The following NSUN2 variants were observed in gnomAD, a reference collection of about 807,000 sequenced individuals.
NSUN2 encodes RNA cytosine C(5)-methyltransferase NSUN2.
In NSUN2, 63 loss-of-function variants were observed where a neutral mutation model predicts 92.7. The observed-to-expected ratio is 0.68, with a 90% CI of 0.56 to 0.84. The LOEUF (loss-of-function observed/expected upper bound fraction) is 0.84, where lower values mean the gene tolerates loss of function less well. NSUN2 is among the 40% of genes least tolerant of loss of function. NSUN2 has a pLI of 0.00. For missense variants in NSUN2, 989 were observed against 964.9 expected, an observed-to-expected ratio of 1.02 and a Z score of -0.33; for synonymous variants, 356 against 348.3, an observed-to-expected ratio of 1.02 and a Z score of -0.25.
rs763793795 is a variant in NSUN2, at chr5:6,604,643, C to T, written c.1780G>A (p.Gly594Ser). ...CGGAAAGCACAGTCAAACTCTTCACCGCTGTTATTTCTACACCAGACTTTG... is the reference window on the plus strand; with the variant it reads ...CGGAAAGCACAGTCAAACTCTTCACTGCTGTTATTTCTACACCAGACTTTG... Reference protein sequence around the residue: ...GIKVWCRNNSGEEFDCAFRLA... With the variant: ...GIKVWCRNNSSEEFDCAFRLA... Residue 594 changes from glycine (G) to serine (S), a missense_variant, in exon 16 of 19, where the codon GGT (glycine) becomes AGT (serine). This residue lies in a region of NSUN2 where 626 missense variants were observed against 602.3 expected (regional missense o/e 1.04). Transcript: ENST00000264670. 1.3e-4 allele frequency: 204 copies of T among 1,613,940 alleles called. No individual in the cohort carries two copies. The highest frequency in any genetic ancestry group is 1.6e-4 in the Non-Finnish European group (183 of 1,180,006).
At chr5:6,617,716 A>G (rs930772489) in intron 8 of NSUN2, among the ~76,000 whole-genome samples, 3 of 152,260 alleles carry the variant, frequency 2.0e-5, no homozygotes, top group Non-Finnish European at 4.4e-5. Context: ...GTGTTGCAAG[A>G]AATTTTTATA....
At chr5:6,608,623 G>A (rs1241003511) in intron 12 of NSUN2, among the ~76,000 whole-genome samples, 1 of 152,206 alleles carries the variant, frequency 6.6e-6, no homozygotes, top group Admixed American at 6.5e-5. Context: ...GGGGCTAATT[G>A]AAAAAATGTC....
Position 6,622,029 on chromosome 5 carries a change from A to G in NSUN2, c.609T>C (p.Asn203=). ...QLIEMLHADM[N]VPFPEGFVIA... ...TCCAATGCATACCTGGAAAGGGGACATTCATGTCGGCATGTAGCATTTCAA... is the reference window on the plus strand; with the variant it reads ...TCCAATGCATACCTGGAAAGGGGACGTTCATGTCGGCATGTAGCATTTCAA... The change falls in exon 6 of 19, where the codon AAT becomes AAC. Residue 203 remains asparagine (N), a synonymous_variant. Transcript: ENST00000264670. 1 of 1,614,016 alleles carries G rather than the reference A, an allele frequency of 6.2e-7. No homozygotes were observed. The highest frequency in any genetic ancestry group is 8.5e-7 in the Non-Finnish European group (1 of 1,179,834).
chr5:6,613,606 C>G (rs1354425570), intron 9 of NSUN2, among the ~76,000 whole-genome samples: 1 of 152,190 alleles, frequency 6.6e-6, no homozygotes. Context: ...AACTGCATGC[C>G]ATAGTCTAAC....
In NSUN2 at chr5:6,617,872, G is replaced by C. The variant is rs779356861; in HGVS notation, c.890+78C>G. 1.2e-5 allele frequency: 13 copies of C among 1,073,736 alleles called. No individual in the cohort carries two copies. In the South Asian group the frequency reaches 1.9e-4, roughly 16 times the overall value. The allele number at this position is 1,073,736 out of a possible 1,614,324, so 66.5% of individuals were successfully genotyped here. A position where few individuals can be genotyped will look rare whatever the true frequency, so the allele number is the denominator to read the frequency against. The stretch of plus-strand genomic sequence containing the variant: ...GCTTACAGCTCTCTAATTAAAGATC[G>C]GATGCTCACTTGCATAACAATAAAT... On this transcript the variant is annotated intron_variant, in intron 8 of 18. Transcript: ENST00000264670.
intron 3 of NSUN2, among the ~76,000 whole-genome samples, chr5:6,627,498 G>A (rs1045005699): frequency 9.2e-5 from 14 of 152,176 alleles, no homozygotes; most frequent in African/African-American, 3.4e-4. Context: ...TAGATAAGCA[G>A]TCTAGATATA....
At position 6,620,309 on chromosome 5, in the gene NSUN2, A is replaced by C; in HGVS notation, c.623-11T>G. On this transcript the variant is annotated splice_polypyrimidine_tract_variant and intron_variant, in intron 6 of 18. Transcript: ENST00000264670. ...CAATAACAAATCCCTCTGAAGGCACAGAATTGCAGTGTCAGGTGAAATGGA... is the reference window on the plus strand; with the variant it reads ...CAATAACAAATCCCTCTGAAGGCACCGAATTGCAGTGTCAGGTGAAATGGA... 1 of 1,544,908 alleles carries C rather than the reference A, an allele frequency of 6.5e-7. No individual in the cohort carries two copies. The highest frequency in any genetic ancestry group is 1.4e-5 in the African/African-American group (1 of 72,068).
intron 3 of NSUN2, among the ~76,000 whole-genome samples, chr5:6,627,871 T>C (rs931646145): frequency 1.3e-5 from 2 of 152,254 alleles, no homozygotes; most frequent in Admixed American, 1.3e-4. Context: ...GAGGTATATT[T>C]AATTTTTAGT....
intron 8 of NSUN2, among the ~76,000 whole-genome samples, chr5:6,617,489 C>T (rs1304247825): frequency 2.0e-5 from 3 of 152,184 alleles, no homozygotes; most frequent in East Asian, 1.9e-4. Context: ...CATTAACAGA[C>T]GTGATCATCG....
Position 6,599,625 on chromosome 5 carries a change from C to G in NSUN2, c.*301G>C, listed in dbSNP as rs1232572639. 3.2e-6 allele frequency: 1 copy of G among 314,740 alleles called. No homozygotes were observed. Among genetic ancestry groups the G allele is most frequent in the Admixed American group, 4.5e-5 (1 of 22,058 alleles). 19.5% of individuals were successfully genotyped at this position (314,740 alleles called of 1,614,324 possible). On this transcript the variant is annotated 3_prime_UTR_variant, in exon 19 of 19. Coordinates refer to ENST00000264670, the MANE Select transcript of NSUN2 (RefSeq NM_017755.6). Reference sequence around the variant, plus strand: ...AATTTCTGCAAGGGCAGTTTTGTTTCTTGATAGAAGTACAACTTTTGAAAG... The same window carrying G: ...AATTTCTGCAAGGGCAGTTTTGTTTGTTGATAGAAGTACAACTTTTGAAAG...
At chr5:6,626,615 T>G (rs979110114) in intron 3 of NSUN2, among the ~76,000 whole-genome samples, 2 of 152,162 alleles carry the variant, frequency 1.3e-5, no homozygotes, top group Non-Finnish European at 2.9e-5. Context: ...TCCCAAAGTG[T>G]TGGGATTACA....
chr5:6,611,775 A>T lies in NSUN2; in HGVS notation c.1045T>A (p.Ser349Thr), dbSNP rs757494270. 2.5e-6 allele frequency: 4 copies of T among 1,614,222 alleles called. No homozygotes were observed. The South Asian group carries it at 4.4e-5, about 18-fold the overall frequency. Reference sequence around the variant, plus strand: ...CACTTCAGCCCTGGCAGTTCATTAGACACATCAGCAAGCTCCAAAGCACCT... The same window carrying T: ...CACTTCAGCCCTGGCAGTTCATTAGTCACATCAGCAAGCTCCAAAGCACCT... ...SEGALELADVSNELPGLKWMP... is the reference protein window; with the variant it reads ...SEGALELADVTNELPGLKWMP... The change falls in exon 10 of 19, where the codon TCT becomes ACT. Residue 349 changes from serine to threonine, a missense_variant. Physicochemically the swap from Ser to Thr is moderately conservative, Grantham distance 58. This residue lies in a region of NSUN2 where 626 missense variants were observed against 602.3 expected (regional missense o/e 1.04). Transcript: ENST00000264670.
In NSUN2 at chr5:6,604,153, G is replaced by A. The variant is rs1276747994; in HGVS notation, c.1942C>T (p.Gln648Ter). 1 of 1,613,666 alleles carries A rather than the reference G, an allele frequency of 6.2e-7. No individual in the cohort carries two copies. Among genetic ancestry groups the A allele is most frequent in the Non-Finnish European group, 8.5e-7 (1 of 1,179,872 alleles). The change falls in exon 17 of 19, where the codon CAA (glutamine) becomes TAA (stop). Residue 648 changes from glutamine (Q) to a stop codon, truncating the protein, a stop_gained. Coordinates refer to ENST00000264670, the MANE Select transcript of NSUN2 (RefSeq NM_017755.6). LOFTEE classifies it high-confidence loss of function. ...FRKLSSETYS[Q>*]AKDLAKGSIV... Reference sequence around the variant, plus strand: ...AACTACTCACCCAGGTCCTTTGCTTGACTGTAGGTCTCACTGCTGAGTTTT... The same window carrying A: ...AACTACTCACCCAGGTCCTTTGCTTAACTGTAGGTCTCACTGCTGAGTTTT...
Position 6,602,167 on chromosome 5 carries a change from T to A in NSUN2, c.1997+294A>T, listed in dbSNP as rs74961031. ...CTGTCCAATCTTCACACTTACTCTG[T>A]ACAAGACAGAAATTTTCATTGGTTT... On this transcript the variant is annotated intron_variant, in intron 18 of 18. Coordinates refer to ENST00000264670, the MANE Select transcript of NSUN2 (RefSeq NM_017755.6). Among the ~76,000 whole-genome samples, 3,277 of 152,344 alleles carry A rather than the reference T, an allele frequency of 0.022. 54 individuals are homozygous for A. Among genetic ancestry groups the A allele is most frequent in the Middle Eastern group, 0.051 (15 of 294 alleles).
At chr5:6,614,397 T>C (rs912369493) in intron 9 of NSUN2, among the ~76,000 whole-genome samples, 11 of 152,152 alleles carry the variant, frequency 7.2e-5, no homozygotes, top group Non-Finnish European at 1.2e-4. Flanking sequence ...GCATTCCCGT[T>C]TTCTTTTTCA....
intron 9 of NSUN2, among the ~76,000 whole-genome samples, chr5:6,616,181 T>A (rs1737204485): frequency 1.3e-5 from 2 of 152,182 alleles, no homozygotes; most frequent in South Asian, 2.1e-4. Flanking sequence ...GTAACCAGGA[T>A]CTTGGAGAGG....
rs561655503 is a variant in NSUN2 at position 6,613,902 on chromosome 5, G to A, written c.1022-2104C>T. Reference sequence around the variant, plus strand: ...GCCTGAAGTCAGGAGTTTGAGACCAGCCTGGCCAACATGGTGAAACCCCGT... The same window carrying A: ...GCCTGAAGTCAGGAGTTTGAGACCAACCTGGCCAACATGGTGAAACCCCGT... On this transcript the variant is annotated intron_variant, in intron 9 of 18. Transcript: ENST00000264670. Among the ~76,000 whole-genome samples, 18 of 152,126 alleles carry A rather than the reference G, an allele frequency of 1.2e-4. No homozygotes were observed. The South Asian group carries it at 2.9e-3, about 25-fold the overall frequency.
At chr5:6,627,020 T>C (rs1737682352) in intron 3 of NSUN2, among the ~76,000 whole-genome samples, 7 of 152,168 alleles carry the variant, frequency 4.6e-5, no homozygotes, top group Admixed American at 4.6e-4. Flanking sequence ...TTACAAAATA[T>C]ACCTGAAAAG....
At position 6,611,771 on chromosome 5, in the gene NSUN2, T is replaced by C; in HGVS notation, c.1049A>G (p.Asn350Ser). Reference sequence around the variant, plus strand: ...CATCCACTTCAGCCCTGGCAGTTCATTAGACACATCAGCAAGCTCCAAAGC... The same window carrying C: ...CATCCACTTCAGCCCTGGCAGTTCACTAGACACATCAGCAAGCTCCAAAGC... ...EGALELADVSNELPGLKWMPG... is the reference protein window; with the variant it reads ...EGALELADVSSELPGLKWMPG... Residue 350 changes from asparagine to serine, a missense_variant, in exon 10 of 19, where the codon AAT (asparagine) becomes AGT (serine). This residue lies in a region of NSUN2 where 626 missense variants were observed against 602.3 expected (regional missense o/e 1.04). Coordinates refer to ENST00000264670, the MANE Select transcript of NSUN2 (RefSeq NM_017755.6). 2 of 1,614,158 alleles carry C rather than the reference T, an allele frequency of 1.2e-6. No homozygotes were observed. The highest frequency in any genetic ancestry group is 8.5e-7 in the Non-Finnish European group (1 of 1,180,022).
Sources: gnomAD v4.1 joint callset for allele counts (sites outside exome capture counted in the v4.1 genomes callset) on GRCh38, gnomAD v4.1.1 for gene constraint, gnomAD v4.1.1 regional missense constraint, MANE v1.5 for transcripts, NCBI Gene and HGNC (gene_info 2026-07-23, HGNC 2026-07-21) for gene names.